MRTFB: variants seen among roughly 807,000 people sequenced by gnomAD.
MRTFB encodes myocardin-related transcription factor B.
MRTFB carries 29 observed loss-of-function variants against 104.2 expected under a neutral mutation model. The observed-to-expected ratio is 0.28, with a 90% confidence interval of 0.21 to 0.38. The LOEUF is 0.38. MRTFB is among the 10% of genes least tolerant of loss of function. The pLI, the probability that MRTFB is intolerant of heterozygous loss-of-function variation, is 1.00. For missense variants in MRTFB, 1,270 were observed against 1,341.6 expected, an observed-to-expected ratio of 0.95 and a Z score of 0.83; for synonymous variants, 535 against 519.5, an observed-to-expected ratio of 1.03 and a Z score of -0.41.
At chr16:14,076,347 A>G (rs919948127) in intron 1 of MRTFB, among the ~76,000 whole-genome samples, 8 of 151,882 alleles carry the variant, frequency 5.3e-5, no homozygotes, top group Non-Finnish European at 7.4e-5. Context: ...TGCATGTGCC[A>G]CCAGGCCCGG....
intron 3 of MRTFB, among the ~76,000 whole-genome samples, chr16:14,168,217 A>ATGTGTGTGTGTGTGTG (rs61205256): frequency 2.3e-3 from 341 of 148,100 alleles, no homozygotes; most frequent in African/African-American, 8.0e-3. Flanking sequence ...TAAAGATAAA[A>ATGTGTGTGTGTGTGTG]TGTGTGTGTG....
Position 14,195,626 on chromosome 16 carries a change from T to G in MRTFB, c.155-14617T>G, listed in dbSNP as rs1260795743. On this transcript the variant is annotated intron_variant, in intron 3 of 16. Coordinates refer to ENST00000571589, the MANE Select transcript of MRTFB (RefSeq NM_001308142.2). ...AAACAATATTCCACTGTTTCCTGTT[T>G]CGTTAATTGTTCTTTTATTCAGAGA... 17 of 930,760 alleles carry G rather than the reference T, an allele frequency of 1.8e-5. No homozygotes were observed. The South Asian group carries it at 2.5e-4, about 14-fold the overall frequency. The allele number at this position is 930,760 out of a possible 1,614,324, so 57.7% of individuals were successfully genotyped here.
At chr16:13,995,374 C>T in the MRTFB span, among the ~76,000 whole-genome samples, 27 of 152,200 alleles carry the variant, frequency 1.8e-4, no homozygotes, top group African/African-American at 6.3e-4. Context: ...ACATCTAACC[C>T]CAGAACTGGT....
intron 12 of MRTFB, 179 bp from the exon 13 acceptor site, chr16:14,248,747 C>G: frequency 3.4e-6 from 2 of 583,486 alleles, no homozygotes; most frequent in Non-Finnish European, 5.8e-6. Context: ...TGATGTTTCC[C>G]TCTCTGGTTT....
intron 8 of MRTFB, among the ~76,000 whole-genome samples, chr16:14,229,839 C>T (rs930224231): frequency 7.9e-5 from 12 of 152,060 alleles, no homozygotes; most frequent in Non-Finnish European, 1.2e-4. Context: ...AGATCTGGCC[C>T]TCGTGAGACC....
chr16:13,997,720 G>C, the MRTFB span, among the ~76,000 whole-genome samples: 2 of 150,244 alleles, frequency 1.3e-5, no homozygotes, highest in African/African-American at 2.5e-5. Context: ...TTGAGCCCAG[G>C]AGGCGGAGGT....
intron 2 of MRTFB, among the ~76,000 whole-genome samples, chr16:14,124,254 A>G (rs557546503): frequency 6.6e-6 from 1 of 152,244 alleles, no homozygotes; most frequent in South Asian, 2.1e-4. Context: ...AATACCCTTT[A>G]TTTCTTTCTC....
the MRTFB span, among the ~76,000 whole-genome samples, chr16:13,995,715 A>G: frequency 2.0e-5 from 3 of 152,098 alleles, no homozygotes; most frequent in East Asian, 5.8e-4. Context: ...GGTGAAGGGG[A>G]AGCAGGCACA....
At chr16:14,116,844 A>G (rs998073594) in intron 2 of MRTFB, among the ~76,000 whole-genome samples, 3 of 152,134 alleles carry the variant, frequency 2.0e-5, no homozygotes, top group Non-Finnish European at 4.4e-5. Context: ...GTTGAGATCT[A>G]CCAGTCTAGA....
At chr16:14,023,202 G>C in the MRTFB span, among the ~76,000 whole-genome samples, 1 of 152,014 alleles carries the variant, frequency 6.6e-6, no homozygotes, top group Non-Finnish European at 1.5e-5. Flanking sequence ...ACTTTAGGAG[G>C]CCAAGGCAGG....
chr16:14,001,383 T>G, the MRTFB span, among the ~76,000 whole-genome samples: 1 of 152,208 alleles, frequency 6.6e-6, no homozygotes, highest in Non-Finnish European at 1.5e-5. Context: ...TCTCCCCTTC[T>G]TGGGTTCAAA....
intron 2 of MRTFB, among the ~76,000 whole-genome samples, chr16:14,122,085 G>T (rs1187063942): frequency 6.6e-6 from 1 of 151,952 alleles, no homozygotes; most frequent in South Asian, 2.1e-4. Context: ...AGCCTGCCAG[G>T]CTGCCTCCAC....
Position 14,075,735 on chromosome 16 carries a change from A to G in MRTFB, c.-128-3555A>G, listed in dbSNP as rs189618607. Among the ~76,000 whole-genome samples, 28 of 152,306 alleles carry G rather than the reference A, an allele frequency of 1.8e-4. No individual in the cohort carries two copies. In the East Asian group the frequency reaches 5.0e-3, roughly 27 times the overall value. On this transcript the variant is annotated intron_variant, in intron 1 of 16. Transcript: ENST00000571589. ...CTTTTTAAAATAGATTATTATAATC[A>G]TATACTTTGGCTCGATTGGAGGAAA...
chr16:14,224,344 A>T lies in MRTFB; in HGVS notation c.693+5346A>T, dbSNP rs141962120. Reference sequence around the variant, plus strand: ...TACACAAACCTAGATGGTATGGCCTACTACACCTACTACAGTGTGCCTTTA... The same window carrying T: ...TACACAAACCTAGATGGTATGGCCTTCTACACCTACTACAGTGTGCCTTTA... On this transcript the variant is annotated intron_variant, in intron 8 of 16. Transcript: ENST00000571589. 2.5e-4 allele frequency among the ~76,000 whole-genome samples: 38 copies of T among 152,330 alleles called. No homozygotes were observed. In the East Asian group the frequency reaches 6.9e-3, roughly 28 times the overall value.
intron 2 of MRTFB, among the ~76,000 whole-genome samples, chr16:14,127,282 A>C (rs2037158997): frequency 6.6e-6 from 1 of 152,226 alleles, no homozygotes; most frequent in South Asian, 2.1e-4. Flanking sequence ...GTATTACAAA[A>C]TGGAACAATA....
At chr16:14,017,593 G>GTATA in the MRTFB span, among the ~76,000 whole-genome samples, 47 of 59,068 alleles carry the variant, frequency 8.0e-4, no homozygotes, top group African/African-American at 1.9e-3. Flanking sequence ...ACTGACTACA[G>GTATA]TATATATATA....
chr16:14,085,594 A>G (rs1050497015), intron 2 of MRTFB, among the ~76,000 whole-genome samples: 8 of 152,114 alleles, frequency 5.3e-5, no homozygotes, highest in African/African-American at 1.9e-4. Context: ...CCAGGGACCA[A>G]GTAGTACAAC....
At chr16:14,014,669 C>A in the MRTFB span, among the ~76,000 whole-genome samples, 1 of 151,878 alleles carries the variant, frequency 6.6e-6, no homozygotes, top group Admixed American at 6.6e-5. Context: ...GCCTGGCCAA[C>A]ATGGTGAAAC....
At chr16:14,019,819 A>G in the MRTFB span, among the ~76,000 whole-genome samples, 1 of 136,794 alleles carries the variant, frequency 7.3e-6, no homozygotes, top group African/African-American at 2.4e-5. Flanking sequence ...TCCCTCAGCT[A>G]TTATAGATCC....
Sources: allele counts gnomAD v4.1 joint callset (sites outside exome capture counted in the v4.1 genomes callset), GRCh38; gene constraint gnomAD v4.1.1; transcripts MANE v1.5; gene names NCBI Gene and HGNC (gene_info 2026-07-23, HGNC 2026-07-21).